Variants in RGS22 observed in about 807,000 individuals in gnomAD.
The protein encoded by RGS22 is regulator of G protein signaling 22.
In RGS22, 148 loss-of-function variants were observed where a neutral mutation model predicts 172.9. That is an observed-to-expected ratio of 0.86 (90% confidence interval 0.75 to 0.98). The LOEUF (loss-of-function observed/expected upper bound fraction) is 0.98. RGS22 is among the 50% of genes least tolerant of loss of function. The probability of loss-of-function intolerance (pLI) is 0.00; values close to 1 mark genes in which losing one functional copy is unlikely to be tolerated. For missense variants in RGS22, 1,347 were observed against 1,440.8 expected (o/e 0.93, Z 1.05); for synonymous variants, 458 against 480.2 (o/e 0.95, Z 0.60).
At chr8:100,069,204 A>T (rs1354661418) in intron 6 of RGS22, among the ~76,000 whole-genome samples, 1 of 152,218 alleles carries the variant, frequency 6.6e-6, no homozygotes, top group East Asian at 1.9e-4. Flanking sequence ...ATTTTGATCA[A>T]CTGAAAGTGC....
chr8:100,045,470 T>C (rs1820618099), intron 11 of RGS22, among the ~76,000 whole-genome samples: 1 of 152,132 alleles, frequency 6.6e-6, no homozygotes, highest in Admixed American at 6.5e-5. Flanking sequence ...GTAGAAATAG[T>C]TCTTAAACAG....
At chr8:100,105,087 T>C (rs1813818390) in intron 2 of RGS22, among the ~76,000 whole-genome samples, 1 of 152,226 alleles carries the variant, frequency 6.6e-6, no homozygotes, top group African/African-American at 2.4e-5. Context: ...GATAAAACTT[T>C]CCTCTCATGG....
intron 23 of RGS22, among the ~76,000 whole-genome samples, chr8:99,975,907 T>C (rs951679612): frequency 1.3e-5 from 2 of 152,172 alleles, no homozygotes; most frequent in East Asian, 3.9e-4. Context: ...AGAATGAACA[T>C]GGCCAGGTGC....
chr8:100,049,715 AGC>A (rs1821081965), intron 10 of RGS22, among the ~76,000 whole-genome samples: 1 of 152,220 alleles, frequency 6.6e-6, no homozygotes, highest in Admixed American at 6.5e-5. Context: ...TGGTCCCCAA[AGC>A]AGCAGCAAGA....
At chr8:100,087,222 T>A (rs917239591) in intron 3 of RGS22, among the ~76,000 whole-genome samples, 1 of 152,164 alleles carries the variant, frequency 6.6e-6, no homozygotes, top group African/African-American at 2.4e-5. Context: ...GTTGGCTGAT[T>A]TAGAGAATGC....
intron 3 of RGS22, 25 bp downstream of exon 3, chr8:100,093,422 C>T (rs749537098): frequency 7.1e-7 from 1 of 1,402,420 alleles, no homozygotes; most frequent in Non-Finnish European, 1.0e-6. Flanking sequence ...AATATATATT[C>T]AATAGATCAT....
At chr8:100,076,516 T>G (rs2131875664) in intron 4 of RGS22, among the ~76,000 whole-genome samples, 1 of 152,292 alleles carries the variant, frequency 6.6e-6, no homozygotes, top group Non-Finnish European at 1.5e-5. Context: ...TTTGTATAAG[T>G]TTTTATAAAT....
chr8:99,972,528 C>A (rs941277173), intron 23 of RGS22, among the ~76,000 whole-genome samples: 1 of 152,166 alleles, frequency 6.6e-6, no homozygotes, highest in Non-Finnish European at 1.5e-5. Context: ...TATCCAGAAT[C>A]TACAAGGAAC....
At chr8:100,036,514 T>C (rs1212352415) in intron 14 of RGS22, among the ~76,000 whole-genome samples, 1 of 152,174 alleles carries the variant, frequency 6.6e-6, no homozygotes, top group Non-Finnish European at 1.5e-5. Context: ...CAGAAAATCA[T>C]GTAAGTCTCT....
At chr8:100,014,155 T>C (rs570292521) in intron 14 of RGS22, among the ~76,000 whole-genome samples, 1 of 152,320 alleles carries the variant, frequency 6.6e-6, no homozygotes, top group East Asian at 1.9e-4. Context: ...TAAATCTTTT[T>C]GTTTCTCTGA....
chr8:100,095,490 T>C (rs2132013949), intron 2 of RGS22, among the ~76,000 whole-genome samples: 1 of 152,310 alleles, frequency 6.6e-6, no homozygotes, highest in Middle Eastern at 3.4e-3. Flanking sequence ...AGCCCTGTTT[T>C]GTTGTTGTTT....
At chr8:100,085,588 A>C (rs1812098368) in intron 3 of RGS22, among the ~76,000 whole-genome samples, 1 of 152,236 alleles carries the variant, frequency 6.6e-6, no homozygotes, top group African/African-American at 2.4e-5. Context: ...GAAATGAGTC[A>C]CTGATTCTTC....
intron 10 of RGS22, among the ~76,000 whole-genome samples, chr8:100,052,590 G>A (rs1586141680): frequency 1.3e-5 from 2 of 152,024 alleles, no homozygotes; most frequent in African/African-American, 2.4e-5. Context: ...ATGAGCCACC[G>A]CGCCCGGCCA....
rs71572051 is a variant in RGS22, at chr8:100,025,003, T to TATAAATAAATAA, written c.2166+13916_2166+13927dup. 1.6e-3 allele frequency among the ~76,000 whole-genome samples: 233 copies of TATAAATAAATAA among 147,344 alleles called. 2 individuals are homozygous for TATAAATAAATAA. Among genetic ancestry groups the TATAAATAAATAA allele is most frequent in the Middle Eastern group, 3.5e-3 (1 of 286 alleles). On this transcript the variant is annotated intron_variant, in intron 14 of 27. Transcript: ENST00000360863. ...GAAACAAGAGGATTAAAAGAGGATCTATAAATAAATAAATAAATAAATAAA... is the reference window on the plus strand; with the variant it reads ...GAAACAAGAGGATTAAAAGAGGATCTATAAATAAATAAATAAATAAATAAATAAATAAATAAA...
At chr8:100,008,034 T>A (rs559773051) in intron 15 of RGS22, among the ~76,000 whole-genome samples, 61 of 151,620 alleles carry the variant, frequency 4.0e-4, no homozygotes, top group Admixed American at 1.4e-3. Context: ...TTTTATTTTT[T>A]ATTTTTTAAT....
At chr8:100,063,388 C>T (rs1810294614) in intron 8 of RGS22, 28 bp downstream of exon 8, 1 of 1,450,976 alleles carries the variant, frequency 6.9e-7, no homozygotes, top group South Asian at 1.5e-5. Flanking sequence ...GTTTTTAAAA[C>T]TATTGAAAAA....
chr8:100,079,701 C>A (rs575293379), intron 4 of RGS22, among the ~76,000 whole-genome samples: 2 of 152,184 alleles, frequency 1.3e-5, no homozygotes, highest in East Asian at 3.9e-4. Context: ...GAGACAAAAT[C>A]CAGAAGCTGA....
intron 11 of RGS22, among the ~76,000 whole-genome samples, chr8:100,046,816 T>C (rs1422268499): frequency 6.6e-6 from 1 of 151,522 alleles, no homozygotes; most frequent in East Asian, 1.9e-4. Context: ...TACCGTTTTT[T>C]GTTTTTTTGT....
chr8:100,006,172 C>A, intron 15 of RGS22, 63 bp from the exon 16 acceptor site: 2 of 1,310,892 alleles, frequency 1.5e-6, no homozygotes, highest in Admixed American at 2.0e-5. Flanking sequence ...TAACAGTGGG[C>A]TGAAAAACAA....
Sources: gnomAD v4.1 joint callset for allele counts (sites outside exome capture counted in the v4.1 genomes callset) on GRCh38, gnomAD v4.1.1 for gene constraint, MANE v1.5 for transcripts, NCBI Gene and HGNC (gene_info 2026-07-23, HGNC 2026-07-21) for gene names.